Variants in SNTG2 observed in about 807,000 individuals in gnomAD.
SNTG2 encodes the protein gamma-2-syntrophin.
In SNTG2, 74 loss-of-function variants were observed where a neutral mutation model predicts 70.9. The ratio of observed to expected loss-of-function variants is 1.04; its 90% CI spans 0.86 to 1.27. SNTG2 has a LOEUF of 1.27. Ranked by LOEUF, SNTG2 falls within the 50% of genes most tolerant of loss-of-function variation. SNTG2 has a pLI of 0.00. For synonymous variants in SNTG2, 278 were observed against 273.8 expected, an observed-to-expected ratio of 1.02 and a Z score of -0.15; for missense variants, 717 against 690.7, an observed-to-expected ratio of 1.04 and a Z score of -0.43.
intron 4 of SNTG2, among the ~76,000 whole-genome samples, chr2:1,103,837 A>G (rs1018097811): frequency 1.3e-5 from 2 of 152,210 alleles, no homozygotes; most frequent in Non-Finnish European, 2.9e-5. Flanking sequence ...AGTGCTAAGC[A>G]CTGTCCTCTG....
At chr2:1,057,332 TAGTC>T (rs1477432492) in intron 1 of SNTG2, among the ~76,000 whole-genome samples, 11 of 152,120 alleles carry the variant, frequency 7.2e-5, no homozygotes, top group African/African-American at 1.9e-4. Flanking sequence ...GTTGGTGTAT[TAGTC>T]AGGGTTCTCC....
At chr2:1,256,484 T>C (rs985093054) in intron 12 of SNTG2, 2 of 152,212 alleles carry the variant, frequency 1.3e-5, no homozygotes, top group Non-Finnish European at 2.9e-5. Flanking sequence ...ACCTTGGACA[T>C]GGTTTTATCT....
chr2:1,260,542 T>A (rs182651611), intron 13 of SNTG2, among the ~76,000 whole-genome samples: 3 of 152,366 alleles, frequency 2.0e-5, no homozygotes, highest in Non-Finnish European at 2.9e-5. Context: ...TGAACATTTC[T>A]GTGCTAGGCA....
chr2:1,267,642 G>A, intron 14 of SNTG2, 71 bp downstream of exon 14: 1 of 1,350,500 alleles, frequency 7.4e-7, no homozygotes, highest in Non-Finnish European at 1.0e-6. Context: ...TGGGGAATAT[G>A]TAGCAGTTTA....
At chr2:1,310,686 C>T (rs1680940787) in intron 15 of SNTG2, among the ~76,000 whole-genome samples, 1 of 152,116 alleles carries the variant, frequency 6.6e-6, no homozygotes, top group Non-Finnish European at 1.5e-5. Context: ...GCATCACCAT[C>T]CTTCTCCGGA....
chr2:1,059,356 A>C (rs1662662018), intron 1 of SNTG2: 1 of 83,096 alleles, frequency 1.2e-5, no homozygotes, highest in Admixed American at 1.2e-4. Flanking sequence ...TCAGCTGCAA[A>C]AGGGCAAAAA....
chr2:1,197,150 C>T (rs949808283), intron 8 of SNTG2, among the ~76,000 whole-genome samples: 1 of 152,024 alleles, frequency 6.6e-6, no homozygotes, highest in Admixed American at 6.6e-5. Flanking sequence ...AATTAAATTT[C>T]CCACTTAAAA....
At chr2:1,023,068 AT>A (rs1322503566) in intron 1 of SNTG2, among the ~76,000 whole-genome samples, 2 of 152,070 alleles carry the variant, frequency 1.3e-5, no homozygotes, top group Non-Finnish European at 2.9e-5. Flanking sequence ...AGGAAAGAGG[AT>A]TTTTTAATGT....
intron 9 of SNTG2, among the ~76,000 whole-genome samples, chr2:1,210,881 A>C (rs984311888): frequency 6.6e-6 from 1 of 152,188 alleles, no homozygotes; most frequent in South Asian, 2.1e-4. Flanking sequence ...AATAGGCTAT[A>C]CCATGTAGCC....
intron 1 of SNTG2, among the ~76,000 whole-genome samples, chr2:989,880 G>A (rs533753758): frequency 3.3e-5 from 5 of 152,208 alleles, no homozygotes; most frequent in South Asian, 2.1e-4. Context: ...CTCTGTCAAC[G>A]CGCTTGTCAT....
Position 1,308,558 on chromosome 2 carries a change from G to A in SNTG2, c.1349G>A (p.Gly450Glu). ...TGTTTCACGGTGGATTTCGCGTTGG[G>A]ATTTACCTGTTTTGAGAGTAAGACC... ...MLCFTVDFALGFTCFESKTKN... is the reference protein window; with the variant it reads ...MLCFTVDFALEFTCFESKTKN... The change falls in exon 15 of 17, where the codon GGA becomes GAA. Residue 450 changes from glycine (G) to glutamate (E), a missense_variant. Physicochemically the swap from Gly to Glu is moderately conservative, Grantham distance 98 (BLOSUM62 -2). Transcript: ENST00000308624. 1 of 1,551,716 alleles carries A rather than the reference G, an allele frequency of 6.4e-7. No homozygotes were observed. The highest frequency in any genetic ancestry group is 8.7e-7 in the Non-Finnish European group (1 of 1,146,996).
chr2:1,219,216 C>A (rs763049330), intron 9 of SNTG2, among the ~76,000 whole-genome samples: 1 of 152,190 alleles, frequency 6.6e-6, no homozygotes, highest in Non-Finnish European at 1.5e-5. Flanking sequence ...GCTGGCTCCC[C>A]CTTTGCCTTC....
chr2:1,319,919 CAT>C (rs1368904773), intron 16 of SNTG2, among the ~76,000 whole-genome samples: 1 of 152,176 alleles, frequency 6.6e-6, no homozygotes, highest in African/African-American at 2.4e-5. Context: ...AGTTGAAACT[CAT>C]AGCTATTGCA....
At chr2:982,575 T>A (rs770885904) in intron 1 of SNTG2, among the ~76,000 whole-genome samples, 4 of 152,234 alleles carry the variant, frequency 2.6e-5, no homozygotes, top group African/African-American at 4.8e-5. Context: ...GAAATGTGAT[T>A]CCAATCAAAA....
intron 6 of SNTG2, among the ~76,000 whole-genome samples, chr2:1,141,287 A>G (rs1380289747): frequency 6.6e-6 from 1 of 152,218 alleles, no homozygotes; most frequent in Non-Finnish European, 1.5e-5. Flanking sequence ...CTGTGTAAGC[A>G]AGGCCTTTTT....
intron 16 of SNTG2, among the ~76,000 whole-genome samples, chr2:1,330,430 A>G (rs554105255): frequency 6.0e-4 from 91 of 152,236 alleles, no homozygotes; most frequent in African/African-American, 2.2e-3. Context: ...AAGACATGAT[A>G]ATACTTACAT....
intron 16 of SNTG2, among the ~76,000 whole-genome samples, chr2:1,319,592 C>T (rs1681432642): frequency 1.3e-5 from 2 of 152,180 alleles, no homozygotes; most frequent in African/African-American, 2.4e-5. Context: ...CTGGGCACGT[C>T]GCTTGGGCCC....
At chr2:1,312,122 A>T (rs1007111584) in intron 15 of SNTG2, among the ~76,000 whole-genome samples, 3 of 152,192 alleles carry the variant, frequency 2.0e-5, no homozygotes, top group African/African-American at 7.2e-5. Context: ...GCAGGAAAAA[A>T]AATGTGTTTG....
chr2:1,115,932 A>C (rs1301312395), intron 4 of SNTG2, among the ~76,000 whole-genome samples: 6 of 152,242 alleles, frequency 3.9e-5, no homozygotes, highest in Non-Finnish European at 8.8e-5. Context: ...AGTGGCCCCG[A>C]GATGGCCCAG....
Sources: allele counts gnomAD v4.1 joint callset (sites outside exome capture counted in the v4.1 genomes callset), GRCh38; gene constraint gnomAD v4.1.1; transcripts MANE v1.5; gene names NCBI Gene and HGNC (gene_info 2026-07-23, HGNC 2026-07-21).